Variants in ESYT3 observed in about 807,000 individuals in gnomAD.
ESYT3 encodes extended synaptotagmin 3, also known as extended synaptotagmin-3.
In ESYT3, 101 loss-of-function variants were observed where a neutral mutation model predicts 111.5. The observed-to-expected ratio is 0.91, with a 90% CI of 0.77 to 1.07. The LOEUF is 1.07. Among genes scored for constraint, ESYT3 ranks in the 50% least tolerant of loss-of-function variants. The pLI is 0.00. For missense variants in ESYT3, 1,097 were observed against 1,109.4 expected, an observed-to-expected ratio of 0.99 and a Z score of 0.16; for synonymous variants, 416 against 446.8, an observed-to-expected ratio of 0.93 and a Z score of 0.87.
At chr3:138,461,480 T>C in intron 7 of ESYT3, among the ~76,000 whole-genome samples, 1 of 152,174 alleles carries the variant, frequency 6.6e-6, no homozygotes, top group South Asian at 2.1e-4. Context: ...TGGCACCAGC[T>C]GGCTCATCAG....
intron 1 of ESYT3, among the ~76,000 whole-genome samples, chr3:138,443,800 C>G (rs778873207): frequency 1.3e-5 from 2 of 151,374 alleles, no homozygotes; most frequent in Non-Finnish European, 2.9e-5. Flanking sequence ...TGCGAGGGAG[C>G]TGGCAGAATT....
At position 138,452,032 on chromosome 3, in the gene ESYT3, G is replaced by C. The variant is rs770859872; in HGVS notation, c.328-16G>C. 36 of 1,613,358 alleles carry C rather than the reference G, an allele frequency of 2.2e-5. No individual in the cohort carries two copies. Among genetic ancestry groups the C allele is most frequent in the South Asian group, 1.3e-4 (12 of 91,078 alleles). Reference sequence around the variant, plus strand: ...GCGGCTTCTAGTCTAACTTCCCCTCGGGGCTTCTTTCCTAGATCCACTTCC... The same window carrying C: ...GCGGCTTCTAGTCTAACTTCCCCTCCGGGCTTCTTTCCTAGATCCACTTCC... On this transcript the variant is annotated splice_polypyrimidine_tract_variant and intron_variant, in intron 1 of 22. Coordinates refer to ENST00000389567, the MANE Select transcript of ESYT3 (RefSeq NM_031913.5).
rs748508601 is a variant in ESYT3, at chr3:138,476,307, C to T, written c.2553C>T (p.His851=). The part of the protein sequence containing the change: ...AVKNSRPLGS[H]RRKELGKVLI... ...AAAATAGTAGGCCACTTGGCTCACA[C>T]AGAAGAAAGGAGTTAGGAAAAGTAA... is the stretch of plus-strand genomic sequence containing the variant. Residue 851 remains histidine, a synonymous_variant, in exon 21 of 23, where the codon CAC becomes CAT. Coordinates refer to ENST00000389567, the MANE Select transcript of ESYT3 (RefSeq NM_031913.5). 3 of 1,613,204 alleles carry T rather than the reference C, an allele frequency of 1.9e-6. No individual in the cohort carries two copies. Among genetic ancestry groups the T allele is most frequent in the Admixed American group, 1.7e-5 (1 of 60,000 alleles).
At chr3:138,456,956 TC>T (rs989825957) in intron 3 of ESYT3, among the ~76,000 whole-genome samples, 1 of 152,056 alleles carries the variant, frequency 6.6e-6, no homozygotes, top group Admixed American at 6.6e-5. Context: ...TGCCTCCTGA[TC>T]CTGGCATTCA....
At chr3:138,436,337 T>C (rs1200837436) in intron 1 of ESYT3, among the ~76,000 whole-genome samples, 1 of 152,180 alleles carries the variant, frequency 6.6e-6, no homozygotes, top group Admixed American at 6.5e-5. Flanking sequence ...CCGTCTTCCT[T>C]CTGTGTCCTA....
rs763415250 is a variant in ESYT3 at position 138,468,230 on chromosome 3, G to T, written c.1308+36G>T. 3 of 1,598,644 alleles carry T rather than the reference G, an allele frequency of 1.9e-6. No individual in the cohort carries two copies. The Admixed American group carries it at 5.0e-5, about 27-fold the overall frequency. Reference sequence around the variant, plus strand: ...GGTGTCAAGGGCTCCCTTGCAGAAAGGTGGAGGAGCACACGTGCCAGGTGT... The same window carrying T: ...GGTGTCAAGGGCTCCCTTGCAGAAATGTGGAGGAGCACACGTGCCAGGTGT... On this transcript the variant is annotated intron_variant, in intron 12 of 22. Coordinates refer to ENST00000389567, the MANE Select transcript of ESYT3 (RefSeq NM_031913.5).
chr3:138,442,906 A>G (rs2031262299), intron 1 of ESYT3, among the ~76,000 whole-genome samples: 1 of 152,194 alleles, frequency 6.6e-6, no homozygotes, highest in South Asian at 2.1e-4. Flanking sequence ...TCAGCATTGA[A>G]TATTATCTTT....
Position 138,470,107 on chromosome 3 carries a change from C to CT in ESYT3, c.1554dup (p.Val519CysfsTer7). ...CTGTGTGGAGCCAGGTGTTCTCCTT[C>CT]TTTGTGCACAATGTGGCCACTGAGC... On this transcript the variant is annotated frameshift_variant, in exon 16 of 23. Transcript: ENST00000389567. LOFTEE classifies it high-confidence loss of function. 6.2e-7 allele frequency: 1 copy of CT among 1,613,176 alleles called. No individual in the cohort carries two copies. The highest frequency in any genetic ancestry group is 1.3e-5 in the African/African-American group (1 of 75,024).
downstream of ESYT3, chr3:138,481,043 G>A (rs556580981): frequency 5.9e-5 from 9 of 152,312 alleles, no homozygotes; most frequent in East Asian, 1.9e-4. Flanking sequence ...GAGAAAATAC[G>A]AAATGGTCCT....
rs552611656 is a variant in ESYT3 at position 138,473,528 on chromosome 3, C to A, written c.2238-8C>A. The A allele has an allele frequency of 6.2e-7, 1 of 1,612,022 alleles. No individual in the cohort carries two copies. Among genetic ancestry groups the A allele is most frequent in the Admixed American group, 1.7e-5 (1 of 59,984 alleles). On this transcript the variant is annotated splice_polypyrimidine_tract_variant and splice_region_variant and intron_variant, in intron 18 of 22. Transcript: ENST00000389567. ...TGGCGAGAGAAGTGATGGGCTCTTT[C>A]TTTACAGAGGTGGGGACCTCAGGCG... is the stretch of plus-strand genomic sequence containing the variant.
At chr3:138,470,817 C>T in intron 16 of ESYT3, 60 bp from the exon 17 acceptor site, 1 of 1,609,420 alleles carries the variant, frequency 6.2e-7, no homozygotes, top group Admixed American at 1.7e-5. Flanking sequence ...GGCTCAGATA[C>T]TAGTAGTGGA....
intron 18 of ESYT3, chr3:138,473,329 G>T: frequency 4.8e-6 from 3 of 625,998 alleles, no homozygotes; most frequent in Non-Finnish European, 7.6e-6. Flanking sequence ...TTCCACTTCA[G>T]GGTTCCCGTT....
chr3:138,473,370 T>C (rs2033330685), intron 18 of ESYT3, 166 bp from the exon 19 acceptor site: 1 of 670,320 alleles, frequency 1.5e-6, no homozygotes, highest in Non-Finnish European at 2.4e-6. Context: ...TAATTATACA[T>C]GAATGCTGGA....
At chr3:138,454,785 A>T (rs1420361139) in intron 2 of ESYT3, among the ~76,000 whole-genome samples, 1 of 152,250 alleles carries the variant, frequency 6.6e-6, no homozygotes, top group East Asian at 1.9e-4. Context: ...TCCACAGGAA[A>T]CAATTTAACT....
intron 3 of ESYT3, 103 bp from the exon 4 acceptor site, chr3:138,457,465 T>C: frequency 2.1e-6 from 2 of 950,364 alleles, no homozygotes; most frequent in Non-Finnish European, 1.7e-6. Context: ...GGAAGTATGG[T>C]GGTCATGCTC....
chr3:138,456,144 G>C (rs1364635366), intron 3 of ESYT3, among the ~76,000 whole-genome samples: 1 of 152,354 alleles, frequency 6.6e-6, no homozygotes, highest in East Asian at 1.9e-4. Flanking sequence ...TGGAGATTGG[G>C]ATTTCTGCCA....
At chr3:138,474,442 T>C (rs577939051) in intron 20 of ESYT3, 90 bp downstream of exon 20, 331 of 1,422,292 alleles carry the variant, frequency 2.3e-4, no homozygotes, top group Non-Finnish European at 3.0e-4. Context: ...TGCCAGATGC[T>C]GGAAGGGGCT....
At chr3:138,471,047 G>T (rs1162626598) in intron 17 of ESYT3, 21 bp downstream of exon 17, 1 of 1,592,958 alleles carries the variant, frequency 6.3e-7, no homozygotes, top group Admixed American at 1.7e-5. Context: ...CCGGTCCCCT[G>T]GGGGAGGGGA....
At chr3:138,473,796 CA>C (rs2033358753) in intron 19 of ESYT3, among the ~76,000 whole-genome samples, 162 bp downstream of exon 19, 1 of 152,152 alleles carries the variant, frequency 6.6e-6, no homozygotes, top group African/African-American at 2.4e-5. Context: ...ATCAAGTCCT[CA>C]AAGGGGCACT....
Sources: allele counts gnomAD v4.1 joint callset (sites outside exome capture counted in the v4.1 genomes callset), GRCh38; gene constraint gnomAD v4.1.1; transcripts MANE v1.5; gene names NCBI Gene and HGNC (gene_info 2026-07-23, HGNC 2026-07-21).